RCCD1: variants seen among roughly 807,000 people sequenced by gnomAD.
RCCD1 encodes the protein RCC1 domain-containing protein 1.
Under a neutral mutation model 37.6 loss-of-function variants are expected in RCCD1, and 40 were observed. The ratio of observed to expected loss-of-function variants is 1.06; its 90% CI spans 0.83 to 1.39. The LOEUF is 1.39. Among genes scored for constraint, RCCD1 ranks in the 40% most tolerant of loss-of-function variants. RCCD1 has a pLI of 0.00. For missense variants in RCCD1, 577 were observed against 517.3 expected, an observed-to-expected ratio of 1.12 and a Z score of -1.12; for synonymous variants, 263 against 230.0, an observed-to-expected ratio of 1.14 and a Z score of -1.30.
In RCCD1 at chr15:90,957,520, G is replaced by T; in HGVS notation, c.557+17G>T. 4 of 1,589,674 alleles carry T rather than the reference G, an allele frequency of 2.5e-6. No individual in the cohort carries two copies. The highest frequency in any genetic ancestry group is 3.4e-6 in the Non-Finnish European group (4 of 1,170,298). ...CGGGGGCAGGTGAGCGGAGGCGGGG[G>T]CAGGTGAGGGCTGCTGATTGGAGAA... On this transcript the variant is annotated intron_variant, in intron 3 of 7. Transcript: ENST00000394258.
chr15:90,960,944 G>C, intron 6 of RCCD1, 81 bp from the exon 7 acceptor site: 5 of 1,300,812 alleles, frequency 3.8e-6, no homozygotes, highest in Non-Finnish European at 5.6e-6. Flanking sequence ...TATGCTAGCT[G>C]TGGGCTGTGC....
In RCCD1 at chr15:90,959,881, TC is replaced by T. The variant is rs1400419044; in HGVS notation, c.680-15del. 1.2e-5 allele frequency: 19 copies of T among 1,570,592 alleles called. No individual in the cohort carries two copies. In the South Asian group the frequency reaches 2.0e-4, roughly 17 times the overall value. ...GGGGCTTCACAGTCTGTTTCATGTG[TC>T]CCCTTGATCTCTTTCAGAGACTGGG... On this transcript the variant is annotated intron_variant, in intron 4 of 7. Coordinates refer to ENST00000394258, the MANE Select transcript of RCCD1 (RefSeq NM_001017919.2).
chr15:90,955,402 C>G (rs1207375733), intron 1 of RCCD1: 1 of 152,270 alleles, frequency 6.6e-6, no homozygotes, highest in Non-Finnish European at 1.5e-5. Flanking sequence ...CCAAGGCTGC[C>G]CACCAGAAGG....
At position 90,960,025 on chromosome 15, in the gene RCCD1, C is replaced by T. The variant is rs749559134; in HGVS notation, c.778+27C>T. On this transcript the variant is annotated intron_variant, in intron 5 of 7. Transcript: ENST00000394258. ...TGAGGGTCATCTCGGCTCCCACAGCCGTCTCCCCAGGATGTGGCTGTCATT... is the reference window on the plus strand; with the variant it reads ...TGAGGGTCATCTCGGCTCCCACAGCTGTCTCCCCAGGATGTGGCTGTCATT... 5.4e-5 allele frequency: 84 copies of T among 1,561,256 alleles called. No individual in the cohort carries two copies. In the Middle Eastern group the frequency reaches 1.6e-3, roughly 30 times the overall value.
Position 90,961,731 on chromosome 15 carries a change from A to G in RCCD1, c.1093A>G (p.Asn365Asp). Residue 365 changes from asparagine to aspartate, a missense_variant, in exon 8 of 8, where the codon AAC (asparagine) becomes GAC (aspartate). Physicochemically the swap from Asn to Asp is conservative, Grantham distance 23. Coordinates refer to ENST00000394258, the MANE Select transcript of RCCD1 (RefSeq NM_001017919.2). ...QVKAVTCGPWNTYVYAVEKGK... is the reference protein window; with the variant it reads ...QVKAVTCGPWDTYVYAVEKGK... ...AAAGGCTGTCACCTGTGGGCCGTGG[A>G]ACACCTACGTGTATGCTGTGGAGAA... is the stretch of plus-strand genomic sequence containing the variant. The G allele has an allele frequency of 6.2e-7, 1 of 1,614,164 alleles. No homozygotes were observed. The highest frequency in any genetic ancestry group is 8.5e-7 in the Non-Finnish European group (1 of 1,180,014).
intron 7 of RCCD1, 29 bp from the exon 8 acceptor site, chr15:90,961,589 C>A (rs75775767): frequency 1.3e-6 from 2 of 1,598,604 alleles, no homozygotes; most frequent in East Asian, 4.5e-5. Context: ...CCAGTGGAGA[C>A]GATGGCAAAG....
In RCCD1 at chr15:90,961,892, C is replaced by G; in HGVS notation, c.*123C>G. On this transcript the variant is annotated 3_prime_UTR_variant, in exon 8 of 8. Coordinates refer to ENST00000394258, the MANE Select transcript of RCCD1 (RefSeq NM_001017919.2). Reference sequence around the variant, plus strand: ...CCATCACAGTCCTGCCCTTCACCCTCAAGCACGGTCCTAAACTTGTCTGCA... The same window carrying G: ...CCATCACAGTCCTGCCCTTCACCCTGAAGCACGGTCCTAAACTTGTCTGCA... The G allele has an allele frequency of 1.1e-6, 1 of 938,040 alleles. No homozygotes were observed. The highest frequency in any genetic ancestry group is 1.6e-6 in the Non-Finnish European group (1 of 628,056). The allele number at this position is 938,040 out of a possible 1,614,324, so 58.1% of individuals were successfully genotyped here. A position where few individuals can be genotyped will look rare whatever the true frequency, so the allele number is the denominator to read the frequency against.
Position 90,961,806 on chromosome 15 carries a change from C to T in RCCD1, c.*37C>T, listed in dbSNP as rs1005623066. On this transcript the variant is annotated 3_prime_UTR_variant, in exon 8 of 8. Coordinates refer to ENST00000394258, the MANE Select transcript of RCCD1 (RefSeq NM_001017919.2). ...ATATGTATATGCAACACCTGTGAGA[C>T]CCCCATTCAGGTCAAGGAAAACCAT... The T allele has an allele frequency of 6.3e-7, 1 of 1,586,776 alleles. No individual in the cohort carries two copies. Among genetic ancestry groups the T allele is most frequent in the East Asian group, 2.3e-5 (1 of 44,414 alleles).
rs1217556111 is a variant in RCCD1 at position 90,961,800 on chromosome 15, G to A, written c.*31G>A. On this transcript the variant is annotated 3_prime_UTR_variant, in exon 8 of 8. Coordinates refer to ENST00000394258, the MANE Select transcript of RCCD1 (RefSeq NM_001017919.2). ...GTACGTATATGTATATGCAACACCT[G>A]TGAGACCCCCATTCAGGTCAAGGAA... 6.3e-7 allele frequency: 1 copy of A among 1,594,966 alleles called. No homozygotes were observed. Among genetic ancestry groups the A allele is most frequent in the Non-Finnish European group, 8.6e-7 (1 of 1,168,144 alleles).
Position 90,961,979 on chromosome 15 carries a change from A to G in RCCD1, c.*210A>G. The G allele has an allele frequency of 5.4e-6, 2 of 369,408 alleles. No homozygotes were observed. The highest frequency in any genetic ancestry group is 9.8e-6 in the Non-Finnish European group (2 of 204,686). The allele number at this position is 369,408 out of a possible 1,614,324, so 22.9% of individuals were successfully genotyped here. On this transcript the variant is annotated 3_prime_UTR_variant, in exon 8 of 8. Transcript: ENST00000394258. ...GCCTAAGGTCAGCATCAATCAAAAC[A>G]ATGAAATCAATGAAACAATGAAACC...
intron 5 of RCCD1, 154 bp downstream of exon 5, chr15:90,960,152 G>C (rs943201591): frequency 1.1e-6 from 1 of 916,980 alleles, no homozygotes; most frequent in African/African-American, 1.7e-5. Flanking sequence ...GCCGGTCTTG[G>C]CACAACACAC....
At chr15:90,960,988 C>T (rs768415308) in intron 6 of RCCD1, 37 bp from the exon 7 acceptor site, 1 of 1,611,958 alleles carries the variant, frequency 6.2e-7, no homozygotes, top group Non-Finnish European at 8.5e-7. Flanking sequence ...TGCCAAAGAA[C>T]CGTAGTGACA....
Position 90,957,167 on chromosome 15 carries a change from A to G in RCCD1, c.221A>G (p.Lys74Arg). The change falls in exon 3 of 8, where the codon AAG becomes AGG. Residue 74 changes from lysine to arginine, a missense_variant. Lys to Arg is a conservative substitution (Grantham distance 26). Transcript: ENST00000394258. ...GCCAGCGGCGCGGCGGGCCGCTGCA[A>G]GGACGCGTGGGCCTCGGAGGGGCTC... is the stretch of plus-strand genomic sequence containing the variant. The part of the protein sequence containing the change: ...GSASGAAGRC[K>R]DAWASEGLLA... The G allele has an allele frequency of 7.3e-7, 1 of 1,372,334 alleles. No individual in the cohort carries two copies. Among genetic ancestry groups the G allele is most frequent in the Non-Finnish European group, 9.4e-7 (1 of 1,069,414 alleles). The allele number at this position is 1,372,334 out of a possible 1,614,324, so 85.0% of individuals were successfully genotyped here.
intron 6 of RCCD1, 71 bp downstream of exon 6, chr15:90,960,569 A>T: frequency 2.1e-6 from 3 of 1,462,978 alleles, no homozygotes. Flanking sequence ...GTCGACGGAA[A>T]AACTTCTGTC....
intron 1 of RCCD1, among the ~76,000 whole-genome samples, chr15:90,956,196 A>AGG (rs926173733): frequency 1.3e-5 from 2 of 152,148 alleles, no homozygotes; most frequent in African/African-American, 4.8e-5. Flanking sequence ...CTGTGGGGAG[A>AGG]GGGGCAGAGC....
At position 90,960,960 on chromosome 15, in the gene RCCD1, T is replaced by C. The variant is rs905719902; in HGVS notation, c.950-65T>C. ...ATGCTAGCTGTGGGCTGTGCCAAGCTGGGCTGGACAGATGCCTTGCCAAAG... is the reference window on the plus strand; with the variant it reads ...ATGCTAGCTGTGGGCTGTGCCAAGCCGGGCTGGACAGATGCCTTGCCAAAG... On this transcript the variant is annotated intron_variant, in intron 6 of 7. Coordinates refer to ENST00000394258, the MANE Select transcript of RCCD1 (RefSeq NM_001017919.2). 5.3e-6 allele frequency: 8 copies of C among 1,522,514 alleles called. No homozygotes were observed. The African/African-American group carries it at 1.1e-4, about 21-fold the overall frequency. The allele number at this position is 1,522,514 out of a possible 1,614,324, so 94.3% of individuals were successfully genotyped here.
chr15:90,960,789 A>G (rs1412271273), intron 6 of RCCD1: 4 of 643,424 alleles, frequency 6.2e-6, no homozygotes, highest in Non-Finnish European at 1.1e-5. Context: ...CCAGTCTGGC[A>G]TGGAAGACTG....
rs1336326692 is a variant in RCCD1 at position 90,962,502 on chromosome 15, G to GC, written c.*734dup. 6.6e-6 allele frequency: 1 copy of GC among 152,178 alleles called. No homozygotes were observed. The highest frequency in any genetic ancestry group is 6.5e-5 in the Admixed American group (1 of 15,276). The allele number at this position is 152,178 out of a possible 1,614,324, so 9.4% of individuals were successfully genotyped here. ...TTTTACTAGATAACTGTTGCCCCCA[G>GC]CAGGGTGGGGTCTACTGTGGCTAAA... On this transcript the variant is annotated 3_prime_UTR_variant, in exon 8 of 8. Coordinates refer to ENST00000394258, the MANE Select transcript of RCCD1 (RefSeq NM_001017919.2).
chr15:90,959,919 C>T lies in RCCD1; in HGVS notation c.699C>T (p.Ile233=), dbSNP rs1006815086. 3 of 1,613,048 alleles carry T rather than the reference C, an allele frequency of 1.9e-6. No homozygotes were observed. The highest frequency in any genetic ancestry group is 3.3e-5 in the Admixed American group (2 of 59,922). The part of the protein sequence containing the change: ...VCVSETGDIY[I]WGWNESGQLA... ...TTTCAGAGACTGGGGATATTTATAT[C>T]TGGGGCTGGAATGAATCAGGGCAGC... The change falls in exon 5 of 8, where the codon ATC becomes ATT. Residue 233 remains isoleucine, a synonymous_variant. Coordinates refer to ENST00000394258, the MANE Select transcript of RCCD1 (RefSeq NM_001017919.2).
Sources: gnomAD v4.1 joint callset for allele counts (sites outside exome capture counted in the v4.1 genomes callset) on GRCh38, gnomAD v4.1.1 for gene constraint, MANE v1.5 for transcripts, NCBI Gene and HGNC (gene_info 2026-07-23, HGNC 2026-07-21) for gene names.